CYTH3: variants seen among roughly 807,000 people sequenced by gnomAD.
The protein encoded by CYTH3 is cytohesin-3.
Under a neutral mutation model 55.1 loss-of-function variants are expected in CYTH3, and 23 were observed. That is an observed-to-expected ratio of 0.42 (90% CI 0.30 to 0.59). The LOEUF (loss-of-function observed/expected upper bound fraction) is 0.59. CYTH3 is among the 20% of genes least tolerant of loss of function. CYTH3 has a pLI of 0.20. For missense variants in CYTH3, 413 were observed against 524.8 expected (o/e 0.79, Z 2.08); for synonymous variants, 249 against 194.9 (o/e 1.28, Z -2.31).
In CYTH3 at chr7:6,164,874, G is replaced by A. The variant is rs1023199138; in HGVS notation, c.*70C>T. 1.6e-4 allele frequency: 252 copies of A among 1,576,548 alleles called. No homozygotes were observed. Among genetic ancestry groups the A allele is most frequent in the Admixed American group, 1.0e-4 (6 of 59,762 alleles). On this transcript the variant is annotated 3_prime_UTR_variant, in exon 13 of 13. Transcript: ENST00000350796. ...CGACTGCCTCCCTGCCACGCCTTCC[G>A]CGGAGGGGCCGCCCGCGGTGTCTTT...
At chr7:6,247,003 A>C (rs1451447916) in intron 1 of CYTH3, among the ~76,000 whole-genome samples, 1 of 152,198 alleles carries the variant, frequency 6.6e-6, no homozygotes, top group Non-Finnish European at 1.5e-5. Flanking sequence ...GGCATACAGA[A>C]AAATTTCAGG....
At chr7:6,179,430 T>C (rs532614941) in intron 4 of CYTH3, among the ~76,000 whole-genome samples, 13 of 152,174 alleles carry the variant, frequency 8.5e-5, no homozygotes, top group Admixed American at 7.2e-4. Context: ...TGTGAGTGTA[T>C]TAATTTATAA....
intron 1 of CYTH3, among the ~76,000 whole-genome samples, chr7:6,266,856 T>C (rs1780506485): frequency 6.6e-6 from 1 of 152,238 alleles, no homozygotes; most frequent in Admixed American, 6.5e-5. Flanking sequence ...ATGAGCTCCA[T>C]GAACGTGGGA....
chr7:6,171,051 C>G lies in CYTH3; in HGVS notation c.563-73G>C. 1.3e-6 allele frequency: 2 copies of G among 1,599,296 alleles called. No homozygotes were observed. Among genetic ancestry groups the G allele is most frequent in the Non-Finnish European group, 1.7e-6 (2 of 1,170,840 alleles). ...AGTGGGACCCCGCGTGCTGGGGGCC[C>G]GCCTGCAAGAGGTGCCCGGCCCACA... On this transcript the variant is annotated intron_variant, in intron 7 of 12. Transcript: ENST00000350796. This position sits in a 1 kb window ranked among gnomAD's most constrained non-coding sequence, Gnocchi z 6.7.
chr7:6,218,841 C>T (rs1784483169), intron 1 of CYTH3, among the ~76,000 whole-genome samples: 1 of 151,926 alleles, frequency 6.6e-6, no homozygotes, highest in Non-Finnish European at 1.5e-5. Context: ...TCCATCTCTA[C>T]TAAAAATACA....
intron 5 of CYTH3, among the ~76,000 whole-genome samples, chr7:6,175,904 G>A (rs566510431): frequency 1.3e-5 from 2 of 152,194 alleles, no homozygotes; most frequent in East Asian, 3.9e-4. Context: ...TTAGACTGCT[G>A]TGGTTATTTT....
chr7:6,218,995 C>T (rs972524183), intron 1 of CYTH3, among the ~76,000 whole-genome samples: 4 of 115,490 alleles, frequency 3.5e-5, no homozygotes, highest in African/African-American at 1.5e-4. Context: ...CGGGGAGAGA[C>T]TCCGTCTCAA....
chr7:6,176,729 G>A (rs1014619073), intron 5 of CYTH3, among the ~76,000 whole-genome samples: 1 of 151,942 alleles, frequency 6.6e-6, no homozygotes, highest in African/African-American at 2.4e-5. Context: ...TTGTCTAACT[G>A]TCCTGGCAAG....
intron 1 of CYTH3, among the ~76,000 whole-genome samples, chr7:6,232,744 C>A (rs943213684): frequency 2.0e-5 from 3 of 152,216 alleles, no homozygotes; most frequent in African/African-American, 7.2e-5. Flanking sequence ...CCCTCGTCTA[C>A]GGTCAGTTTT....
intron 1 of CYTH3, among the ~76,000 whole-genome samples, chr7:6,234,414 A>C (rs1405413986): frequency 2.6e-5 from 4 of 152,206 alleles, no homozygotes; most frequent in Non-Finnish European, 5.9e-5. Context: ...TATTGGAGGA[A>C]AAGGAGAGGC....
intron 1 of CYTH3, among the ~76,000 whole-genome samples, chr7:6,229,589 C>G (rs1779334817): frequency 6.7e-6 from 1 of 150,178 alleles, no homozygotes; most frequent in Admixed American, 6.7e-5. Flanking sequence ...GTGGGTGGAT[C>G]ACCTGAGGTC....
chr7:6,262,870 G>C (rs1456606624), intron 1 of CYTH3, among the ~76,000 whole-genome samples: 1 of 152,064 alleles, frequency 6.6e-6, no homozygotes, highest in Non-Finnish European at 1.5e-5. Flanking sequence ...AGTGAGCTAT[G>C]ATGGCGTCAC....
chr7:6,166,395 C>T (rs992146013), intron 9 of CYTH3, among the ~76,000 whole-genome samples: 1 of 152,226 alleles, frequency 6.6e-6, no homozygotes. Flanking sequence ...ATAGCCTTGC[C>T]GGTGTTTGTT....
intron 1 of CYTH3, among the ~76,000 whole-genome samples, chr7:6,236,186 A>G (rs889337033): frequency 6.6e-6 from 1 of 152,008 alleles, no homozygotes; most frequent in Non-Finnish European, 1.5e-5. Flanking sequence ...TATAGGATAT[A>G]TTAACAGAAA....
chr7:6,224,663 C>T (rs1412515215), intron 1 of CYTH3, among the ~76,000 whole-genome samples: 1 of 152,146 alleles, frequency 6.6e-6, no homozygotes, highest in African/African-American at 2.4e-5. Flanking sequence ...TTTAGTGGCT[C>T]CCCAGAAAAT....
rs767124460 is a variant in CYTH3 at position 6,170,785 on chromosome 7, G to T, written c.711+45C>A. 1.8e-5 allele frequency: 29 copies of T among 1,591,306 alleles called. No individual in the cohort carries two copies. The highest frequency in any genetic ancestry group is 2.3e-5 in the Non-Finnish European group (27 of 1,168,506). ...CGCGGGCGCTGCGGCCGCTCACAGC[G>T]AAGAGATCCTGCAGACGGCAGCGGC... On this transcript the variant is annotated intron_variant, in intron 8 of 12. Transcript: ENST00000350796. The surrounding 1 kb of genome is among the most constrained non-coding windows in gnomAD (Gnocchi z 7.8).
intron 1 of CYTH3, among the ~76,000 whole-genome samples, chr7:6,258,058 G>A (rs1780175096): frequency 6.6e-6 from 1 of 152,178 alleles, no homozygotes; most frequent in South Asian, 2.1e-4. Flanking sequence ...AGGATCACTT[G>A]AGGCCAGGAG....
chr7:6,192,633 G>A lies in CYTH3; in HGVS notation c.35-2102C>T, dbSNP rs1287335069. Among the ~76,000 whole-genome samples the A allele has an allele frequency of 2.1e-5, 3 of 146,320 alleles. No homozygotes were observed. In the East Asian group the frequency reaches 6.3e-4, roughly 31 times the overall value. ...TGCAACCTCCACCTCCTGAGTTCAA[G>A]TGATTCTCCTGCCTCAGCCTCCCGA... On this transcript the variant is annotated intron_variant, in intron 1 of 12. Transcript: ENST00000350796.
At chr7:6,177,253 A>C (rs1376996032) in intron 5 of CYTH3, among the ~76,000 whole-genome samples, 5 of 152,260 alleles carry the variant, frequency 3.3e-5, no homozygotes, top group African/African-American at 1.2e-4. Context: ...AAAACCGCCC[A>C]ACTTTAGGAA....
Sources: allele counts gnomAD v4.1 joint callset (sites outside exome capture counted in the v4.1 genomes callset), GRCh38; gene constraint gnomAD v4.1.1; non-coding constraint Gnocchi (gnomAD v3.1); transcripts MANE v1.5; gene names NCBI Gene and HGNC (gene_info 2026-07-23, HGNC 2026-07-21).